Variants in CDC123 observed in about 807,000 individuals in gnomAD.
The protein encoded by CDC123 is cell division cycle 123.
In CDC123, 37 loss-of-function variants were observed where a neutral mutation model predicts 54.4. That is an observed-to-expected ratio of 0.68 (90% CI 0.52 to 0.89). The LOEUF is 0.89. Among genes scored for constraint, CDC123 ranks in the 40% least tolerant of loss-of-function variants. The pLI, the probability that CDC123 is intolerant of heterozygous loss-of-function variation, is 0.00. For missense variants in CDC123, 361 were observed against 412.1 expected (o/e 0.88, Z 1.07); for synonymous variants, 144 against 136.8 (o/e 1.05, Z -0.37).
At chr10:12,235,930 A>G (rs1231298098) in intron 8 of CDC123, among the ~76,000 whole-genome samples, 2 of 152,182 alleles carry the variant, frequency 1.3e-5, no homozygotes, top group African/African-American at 2.4e-5. Context: ...CTAGGACTGG[A>G]GCAAATTCAG....
intron 7 of CDC123, 79 bp downstream of exon 7, chr10:12,231,075 G>T (rs1425012440): frequency 2.3e-6 from 3 of 1,322,992 alleles, no homozygotes; most frequent in Non-Finnish European, 3.2e-6. Flanking sequence ...GAAATGAAAT[G>T]AATGAAGTTT....
chr10:12,224,106 A>G (rs1319682266), intron 6 of CDC123, among the ~76,000 whole-genome samples: 2 of 151,956 alleles, frequency 1.3e-5, no homozygotes, highest in East Asian at 1.9e-4. Flanking sequence ...AAGTGAGAAC[A>G]TACGATGTTT....
intron 2 of CDC123, among the ~76,000 whole-genome samples, chr10:12,206,908 G>C (rs1490283465): frequency 2.2e-5 from 3 of 138,338 alleles, no homozygotes; most frequent in Admixed American, 7.8e-5. Context: ...GCAATGAGCT[G>C]AAATCACGCC....
intron 6 of CDC123, among the ~76,000 whole-genome samples, chr10:12,227,809 C>A (rs1049346276): frequency 6.6e-6 from 1 of 151,934 alleles, no homozygotes; most frequent in Non-Finnish European, 1.5e-5. Context: ...AAATAATTTT[C>A]TTAAATAATA....
At chr10:12,232,524 A>G (rs1425539751) in intron 7 of CDC123, among the ~76,000 whole-genome samples, 2 of 152,050 alleles carry the variant, frequency 1.3e-5, no homozygotes, top group Non-Finnish European at 2.9e-5. Context: ...GGAACAGTTA[A>G]TTTACTAGTT....
chr10:12,222,038 A>T (rs1283057969), intron 6 of CDC123, among the ~76,000 whole-genome samples: 2 of 152,108 alleles, frequency 1.3e-5, no homozygotes, highest in Non-Finnish European at 2.9e-5. Context: ...ATCATTTCTA[A>T]CCTGTTCCCA....
chr10:12,238,548 A>G (rs1456282366), intron 10 of CDC123, 63 bp downstream of exon 10: 9 of 1,575,776 alleles, frequency 5.7e-6, no homozygotes, highest in South Asian at 1.2e-5. Context: ...CAGGCAGAGC[A>G]TGCCTTTGTT....
chr10:12,245,250 C>G (rs1211005451), intron 10 of CDC123: 1 of 3,530 alleles, frequency 2.8e-4, no homozygotes, highest in African/African-American at 1.5e-3. Flanking sequence ...CTGCTGGAAT[C>G]TTTTTTTCTT....
intron 2 of CDC123, among the ~76,000 whole-genome samples, chr10:12,199,058 G>C (rs1057501567): frequency 6.6e-6 from 1 of 152,140 alleles, no homozygotes; most frequent in African/African-American, 2.4e-5. Context: ...ACGGTAGCAG[G>C]GTGGGGGAAG....
intron 2 of CDC123, among the ~76,000 whole-genome samples, chr10:12,208,861 C>T (rs890876544): frequency 2.6e-5 from 4 of 152,186 alleles, no homozygotes; most frequent in African/African-American, 9.7e-5. Context: ...TCAAAGACAG[C>T]ATGCCTGTTT....
intron 4 of CDC123, among the ~76,000 whole-genome samples, chr10:12,215,482 A>G (rs1160739150): frequency 1.3e-5 from 2 of 152,186 alleles, no homozygotes; most frequent in Non-Finnish European, 2.9e-5. Context: ...TCAGAAGCCT[A>G]GTGACTTGTG....
At chr10:12,230,261 C>T (rs889438018) in intron 6 of CDC123, among the ~76,000 whole-genome samples, 9 of 151,498 alleles carry the variant, frequency 5.9e-5, no homozygotes, top group South Asian at 2.1e-4. Context: ...GGCACTGTCT[C>T]GGCTCACTGC....
intron 4 of CDC123, 21 bp from the exon 5 acceptor site, chr10:12,215,719 T>C (rs750438928): frequency 6.7e-7 from 1 of 1,488,294 alleles, no homozygotes; most frequent in Non-Finnish European, 9.3e-7. Flanking sequence ...ACGTGCCCAA[T>C]GATTTCTTCT....
Position 12,234,312 on chromosome 10 carries a change from C to T in CDC123, c.490-736C>T, listed in dbSNP as rs528080975. On this transcript the variant is annotated intron_variant, in intron 7 of 12. Coordinates refer to ENST00000281141, the MANE Select transcript of CDC123 (RefSeq NM_006023.3). ...TTTCACATGTTGGAGCGCAATGGCG[C>T]GATCTGGGCTCTCTACAACCTCTGC... Among the ~76,000 whole-genome samples, 5 of 152,244 alleles carry T rather than the reference C, an allele frequency of 3.3e-5. No homozygotes were observed. The South Asian group carries it at 6.2e-4, about 19-fold the overall frequency.
At chr10:12,233,290 C>T (rs1220916269) in intron 7 of CDC123, among the ~76,000 whole-genome samples, 1 of 150,778 alleles carries the variant, frequency 6.6e-6, no homozygotes, top group Non-Finnish European at 1.5e-5. Context: ...CACACACACA[C>T]ACACACACAC....
chr10:12,215,843 C>A lies in CDC123; in HGVS notation c.333+8C>A, dbSNP rs1309846209. On this transcript the variant is annotated splice_region_variant and intron_variant, in intron 5 of 12. Coordinates refer to ENST00000281141, the MANE Select transcript of CDC123 (RefSeq NM_006023.3). ...AATTGGAGTGCCCCAAGGGTAGGAACACATAAGTAATTCTCTTACTGTTTG... is the reference window on the plus strand; with the variant it reads ...AATTGGAGTGCCCCAAGGGTAGGAAAACATAAGTAATTCTCTTACTGTTTG... The A allele has an allele frequency of 1.9e-6, 3 of 1,542,210 alleles. No homozygotes were observed. Among genetic ancestry groups the A allele is most frequent in the Middle Eastern group, 1.7e-4 (1 of 5,876 alleles).
intron 6 of CDC123, among the ~76,000 whole-genome samples, chr10:12,218,463 A>T (rs1420103298): frequency 6.6e-6 from 1 of 151,552 alleles, no homozygotes; most frequent in African/African-American, 2.4e-5. Flanking sequence ...CTGGTCTCGA[A>T]CTCCTGACCT....
chr10:12,217,070 C>G (rs1005946813), intron 5 of CDC123, among the ~76,000 whole-genome samples: 13 of 152,082 alleles, frequency 8.5e-5, no homozygotes, highest in African/African-American at 3.1e-4. Context: ...TTTCTGATAC[C>G]TCATTTTCTT....
chr10:12,236,302 A>G (rs566698249), intron 8 of CDC123, among the ~76,000 whole-genome samples: 1 of 152,310 alleles, frequency 6.6e-6, no homozygotes, highest in African/African-American at 2.4e-5. Flanking sequence ...CTAAATGAAA[A>G]TAACTGTTTC....
Sources: gnomAD v4.1 joint callset for allele counts (sites outside exome capture counted in the v4.1 genomes callset) on GRCh38, gnomAD v4.1.1 for gene constraint, MANE v1.5 for transcripts, NCBI Gene and HGNC (gene_info 2026-07-23, HGNC 2026-07-21) for gene names.